Variants in COL9A2 observed in about 807,000 individuals in gnomAD.
COL9A2 encodes collagen type IX alpha 2 chain.
A neutral mutation model predicts 111.6 loss-of-function variants in COL9A2; 66 were observed. The ratio of observed to expected loss-of-function variants is 0.59; its 90% CI spans 0.48 to 0.73. COL9A2 has a LOEUF of 0.73. Ranked by LOEUF, COL9A2 falls within the 30% of genes least tolerant of loss-of-function variation. The pLI is 0.00. For synonymous variants in COL9A2, 353 were observed against 364.1 expected (o/e 0.97, Z 0.35); for missense variants, 881 against 954.1 (o/e 0.92, Z 1.01).
chr1:40,304,270 C>T, intron 24 of COL9A2, 50 bp downstream of exon 24: 1 of 1,546,052 alleles, frequency 6.5e-7, no homozygotes, highest in South Asian at 1.2e-5. Flanking sequence ...GACCCCACTC[C>T]CCCTGTTATA....
In COL9A2 at chr1:40,312,706, G is replaced by A. The variant is rs911621226; in HGVS notation, c.303+25C>T. ...CAAACGCTGGCCCTAGATTGCCCACGCTGAGGCCCCAGCAGGCCCCTTACC... is the reference window on the plus strand; with the variant it reads ...CAAACGCTGGCCCTAGATTGCCCACACTGAGGCCCCAGCAGGCCCCTTACC... On this transcript the variant is annotated intron_variant, in intron 5 of 31. Coordinates refer to ENST00000372748, the MANE Select transcript of COL9A2 (RefSeq NM_001852.4). This position sits in a 1 kb window ranked among gnomAD's most constrained non-coding sequence, Gnocchi z 6.0. The A allele has an allele frequency of 1.9e-6, 3 of 1,566,184 alleles. No homozygotes were observed. Among genetic ancestry groups the A allele is most frequent in the Middle Eastern group, 1.7e-4 (1 of 6,004 alleles).
At position 40,311,936 on chromosome 1, in the gene COL9A2, C is replaced by T. The variant is rs868228347; in HGVS notation, c.417+123G>A. 32 of 1,179,608 alleles carry T rather than the reference C, an allele frequency of 2.7e-5. No individual in the cohort carries two copies. The African/African-American group carries it at 4.0e-4, about 15-fold the overall frequency. The allele number at this position is 1,179,608 out of a possible 1,614,324, so 73.1% of individuals were successfully genotyped here. A position where few individuals can be genotyped will look rare whatever the true frequency, so the allele number is the denominator to read the frequency against. On this transcript the variant is annotated intron_variant, in intron 8 of 31. Coordinates refer to ENST00000372748, the MANE Select transcript of COL9A2 (RefSeq NM_001852.4). This position sits in a 1 kb window ranked among gnomAD's most constrained non-coding sequence, Gnocchi z 5.1. ...TGGGCTCATAGGAGGGGTTTCTGCC[C>T]CAGACCTGGAGGAGTTTCCCAGTGG...
intron 17 of COL9A2, among the ~76,000 whole-genome samples, 189 bp downstream of exon 17, chr1:40,308,003 C>T (rs758431601): frequency 2.0e-5 from 3 of 152,174 alleles, no homozygotes; most frequent in Admixed American, 1.3e-4. Context: ...CATGACCTCC[C>T]GTATGTCATC....
chr1:40,302,641 ATC>A lies in COL9A2; in HGVS notation c.1770_1771del (p.Gln590HisfsTer15). On this transcript the variant is annotated frameshift_variant, in exon 30 of 32. Transcript: ENST00000372748. LOFTEE classifies it high-confidence loss of function. The surrounding 1 kb of genome is among the most constrained non-coding windows in gnomAD (Gnocchi z 4.5). ...CTCACCCTTGGGCCCCGTGTTGCCG[ATC>A]TGACCCACGGCTCCCACGATGCCAG... is the stretch of plus-strand genomic sequence containing the variant. 1 of 1,603,970 alleles carries A rather than the reference ATC, an allele frequency of 6.2e-7. No homozygotes were observed. Among genetic ancestry groups the A allele is most frequent in the South Asian group, 1.1e-5 (1 of 89,372 alleles).
In COL9A2 at chr1:40,302,539, C is replaced by T; in HGVS notation, c.1792+82G>A. On this transcript the variant is annotated intron_variant, in intron 30 of 31. Coordinates refer to ENST00000372748, the MANE Select transcript of COL9A2 (RefSeq NM_001852.4). This position sits in a 1 kb window ranked among gnomAD's most constrained non-coding sequence, Gnocchi z 4.5. The stretch of plus-strand genomic sequence containing the variant: ...AACCGGGGAAGGGTCTGTATGTCAT[C>T]CTGAGAAGGGAATGGGGAAAGGGCC... 6.8e-7 allele frequency: 1 copy of T among 1,467,540 alleles called. No individual in the cohort carries two copies. Among genetic ancestry groups the T allele is most frequent in the Non-Finnish European group, 9.2e-7 (1 of 1,082,150 alleles). 90.9% of individuals were successfully genotyped at this position (1,467,540 alleles called of 1,614,324 possible). A position where few individuals can be genotyped will look rare whatever the true frequency, so the allele number is the denominator to read the frequency against.
At chr1:40,304,745 C>A in intron 22 of COL9A2, 49 bp downstream of exon 22, 1 of 1,516,368 alleles carries the variant, frequency 6.6e-7, no homozygotes, top group Non-Finnish European at 8.9e-7. Flanking sequence ...CCAGCAGTGC[C>A]AGCTGCCGCA....
chr1:40,312,336 TTCCTGACAC>T lies in COL9A2; in HGVS notation c.363+111_363+119del. ...CCTGGGTCTCTGGCAGGTCCACTTA[TTCCTGACAC>T]TATCACAGCAAGCTGGCTCCTTCCC... is the stretch of plus-strand genomic sequence containing the variant. On this transcript the variant is annotated intron_variant, in intron 7 of 31. Transcript: ENST00000372748. This position sits in a 1 kb window ranked among gnomAD's most constrained non-coding sequence, Gnocchi z 6.0. 7.1e-7 allele frequency: 1 copy of T among 1,406,940 alleles called. No individual in the cohort carries two copies. The highest frequency in any genetic ancestry group is 9.9e-7 in the Non-Finnish European group (1 of 1,015,164). The allele number at this position is 1,406,940 out of a possible 1,614,324, so 87.2% of individuals were successfully genotyped here.
intron 2 of COL9A2, chr1:40,315,211 T>G: frequency 9.6e-7 from 1 of 1,044,120 alleles, no homozygotes; most frequent in Non-Finnish European, 1.2e-6. Flanking sequence ...AGCTGGTCGG[T>G]GGTCTGGCCA....
chr1:40,311,839 C>T lies in COL9A2; in HGVS notation c.418-124G>A. 1.8e-6 allele frequency: 2 copies of T among 1,136,552 alleles called. No homozygotes were observed. The highest frequency in any genetic ancestry group is 1.5e-5 in the African/African-American group (1 of 65,496). The allele number at this position is 1,136,552 out of a possible 1,614,324, so 70.4% of individuals were successfully genotyped here. The stretch of plus-strand genomic sequence containing the variant: ...CTTCCCGGTCACTTTGTGAGATCCA[C>T]CATCTTGGGAGATGAAGGCCTGATT... On this transcript the variant is annotated intron_variant, in intron 8 of 31. Transcript: ENST00000372748. This position sits in a 1 kb window ranked among gnomAD's most constrained non-coding sequence, Gnocchi z 5.1.
intron 31 of COL9A2, 75 bp downstream of exon 31, chr1:40,301,737 G>C: frequency 7.1e-7 from 1 of 1,403,906 alleles, no homozygotes; most frequent in East Asian, 2.3e-5. Flanking sequence ...CGCCATGGAG[G>C]AGACCGCAGT....
At position 40,307,589 on chromosome 1, in the gene COL9A2, C is replaced by T; in HGVS notation, c.955-90G>A. The T allele has an allele frequency of 6.3e-7, 1 of 1,587,904 alleles. No homozygotes were observed. The highest frequency in any genetic ancestry group is 8.6e-7 in the Non-Finnish European group (1 of 1,160,094). On this transcript the variant is annotated intron_variant, in intron 18 of 31. Transcript: ENST00000372748. The surrounding 1 kb of genome is among the most constrained non-coding windows in gnomAD (Gnocchi z 4.8). ...CAGATGCAGGTAGGGAAACTGAGAT[C>T]CAGAGGCAAGAAAGGGCATGTCCAT...
rs118135975 is a variant in COL9A2 at position 40,307,503 on chromosome 1, G to C, written c.955-4C>G. On this transcript the variant is annotated splice_region_variant and splice_polypyrimidine_tract_variant and intron_variant, in intron 18 of 31. Transcript: ENST00000372748. This position sits in a 1 kb window ranked among gnomAD's most constrained non-coding sequence, Gnocchi z 4.8. ...GTCCCGCCTGTCCTGCACTGCCCTG[G>C]GATAGACAGATAACCAAAGATACAA... The C allele has an allele frequency of 0.021, 33,175 of 1,613,626 alleles. 466 individuals are homozygous for C. Among genetic ancestry groups the C allele is most frequent in the Admixed American group, 0.043 (2,567 of 59,992 alleles).
Position 40,312,651 on chromosome 1 carries a change from C to T in COL9A2, c.304-42G>A, listed in dbSNP as rs779685979. 1.9e-5 allele frequency: 30 copies of T among 1,608,530 alleles called. No individual in the cohort carries two copies. Among genetic ancestry groups the T allele is most frequent in the East Asian group, 1.1e-4 (5 of 44,722 alleles). ...AAAGGCTCAGAGGCTGGGGTTTCCC[C>T]GGCTCCTACTTCCTCTCTACAGCCA... is the stretch of plus-strand genomic sequence containing the variant. On this transcript the variant is annotated intron_variant, in intron 5 of 31. Transcript: ENST00000372748. The surrounding 1 kb of genome is among the most constrained non-coding windows in gnomAD (Gnocchi z 6.0).
In COL9A2 at chr1:40,306,189, T is replaced by G. The variant is rs2124065362; in HGVS notation, c.1009-2A>C. The G allele has an allele frequency of 1.9e-6, 3 of 1,614,216 alleles. No homozygotes were observed. The African/African-American group carries it at 4.0e-5, about 22-fold the overall frequency. The stretch of plus-strand genomic sequence containing the variant: ...TGTCCCAGGCTGGCCTGGCACACCC[T>G]GCAGAAAGAAGTTGAAGTCAGTTTC... On this transcript the variant is annotated splice_acceptor_variant, in intron 19 of 31. Transcript: ENST00000372748. LOFTEE classifies it high-confidence loss of function.
At chr1:40,304,247 T>C in intron 24 of COL9A2, 73 bp downstream of exon 24, 1 of 1,535,372 alleles carries the variant, frequency 6.5e-7, no homozygotes, top group Non-Finnish European at 8.8e-7. Context: ...TCCGGAAGGA[T>C]CTGAGTCCTG....
chr1:40,305,051 TTC>T (rs1481534450), intron 21 of COL9A2: 13 of 405,390 alleles, frequency 3.2e-5, no homozygotes, highest in Non-Finnish European at 5.5e-5. Context: ...ATGTGATCAT[TTC>T]TTTCTTTCTT....
Position 40,314,169 on chromosome 1 carries a change from G to T in COL9A2, c.249+36C>A, listed in dbSNP as rs2273195. ...CAGGCCCTGGAGGTCAATTGGCAGA[G>T]CCCTACCCTGCCCCACCCGACACTC... is the stretch of plus-strand genomic sequence containing the variant. On this transcript the variant is annotated intron_variant, in intron 4 of 31. Transcript: ENST00000372748. The surrounding 1 kb of genome is among the most constrained non-coding windows in gnomAD (Gnocchi z 4.1). 0.067 allele frequency: 107,376 copies of T among 1,610,956 alleles called. 5,441 individuals carry two copies. Among genetic ancestry groups the T allele is most frequent in the African/African-American group, 0.22 (16,458 of 74,888 alleles).
chr1:40,311,195 A>G lies in COL9A2; in HGVS notation c.576+35T>C. On this transcript the variant is annotated intron_variant, in intron 11 of 31. Coordinates refer to ENST00000372748, the MANE Select transcript of COL9A2 (RefSeq NM_001852.4). This position sits in a 1 kb window ranked among gnomAD's most constrained non-coding sequence, Gnocchi z 5.1. ...TACGAGGTCCCCTCCTGTCACCTGC[A>G]CCACCCTCCCAAGATTCAGGCCAGG... is the stretch of plus-strand genomic sequence containing the variant. The G allele has an allele frequency of 6.2e-7, 1 of 1,614,132 alleles. No individual in the cohort carries two copies. The highest frequency in any genetic ancestry group is 8.5e-7 in the Non-Finnish European group (1 of 1,179,996).
In COL9A2 at chr1:40,310,998, C is replaced by T; in HGVS notation, c.630+95G>A. Reference sequence around the variant, plus strand: ...CGGCTCAAGGCTCTGTCCCCAGAACCCACAGGGGAAGGGGAAGGGACGAAG... The same window carrying T: ...CGGCTCAAGGCTCTGTCCCCAGAACTCACAGGGGAAGGGGAAGGGACGAAG... On this transcript the variant is annotated intron_variant, in intron 12 of 31. Coordinates refer to ENST00000372748, the MANE Select transcript of COL9A2 (RefSeq NM_001852.4). This position sits in a 1 kb window ranked among gnomAD's most constrained non-coding sequence, Gnocchi z 4.9. The T allele has an allele frequency of 2.0e-6, 3 of 1,525,330 alleles. No individual in the cohort carries two copies. The highest frequency in any genetic ancestry group is 1.1e-5 in the South Asian group (1 of 89,022). The allele number at this position is 1,525,330 out of a possible 1,614,324, so 94.5% of individuals were successfully genotyped here. A position where few individuals can be genotyped will look rare whatever the true frequency, so the allele number is the denominator to read the frequency against.
Sources: gnomAD v4.1 joint callset for allele counts (sites outside exome capture counted in the v4.1 genomes callset) on GRCh38, gnomAD v4.1.1 for gene constraint, Gnocchi (gnomAD v3.1) non-coding constraint, MANE v1.5 for transcripts, NCBI Gene and HGNC (gene_info 2026-07-23, HGNC 2026-07-21) for gene names.